Variants in RFT1 observed in about 807,000 individuals in gnomAD.
The protein encoded by RFT1 is RFT1 glycolipid translocator homolog.
A neutral mutation model predicts 62.2 loss-of-function variants in RFT1; 43 were observed. That is an observed-to-expected ratio of 0.69 (90% CI 0.54 to 0.89). RFT1 has a LOEUF of 0.89. RFT1 is among the 40% of genes least tolerant of loss of function. RFT1 has a pLI of 0.00. For missense variants in RFT1, 605 were observed against 649.9 expected, an observed-to-expected ratio of 0.93 and a Z score of 0.75; for synonymous variants, 262 against 264.6, an observed-to-expected ratio of 0.99 and a Z score of 0.10.
the RFT1 span, among the ~76,000 whole-genome samples, chr3:53,074,777 C>G: frequency 6.6e-6 from 1 of 152,190 alleles, no homozygotes; most frequent in Non-Finnish European, 1.5e-5. Context: ...GGGTATGTGC[C>G]AGGCTGTGTC....
the RFT1 span, among the ~76,000 whole-genome samples, chr3:53,081,939 AT>A: frequency 3.3e-5 from 5 of 151,942 alleles, no homozygotes. Flanking sequence ...AACTTGCTGG[AT>A]TTTTAGTTTT....
chr3:53,079,648 C>A, the RFT1 span, among the ~76,000 whole-genome samples: 1 of 152,140 alleles, frequency 6.6e-6, no homozygotes, highest in African/African-American at 2.4e-5. Flanking sequence ...GCAGGAGAAT[C>A]GCAGAGGTTG....
At chr3:53,075,987 C>T in the RFT1 span, among the ~76,000 whole-genome samples, 4 of 152,138 alleles carry the variant, frequency 2.6e-5, no homozygotes, top group Non-Finnish European at 4.4e-5. Context: ...GCTCTTTCTC[C>T]GATCTGCCTG....
At chr3:53,076,187 T>C in the RFT1 span, among the ~76,000 whole-genome samples, 2 of 152,240 alleles carry the variant, frequency 1.3e-5, no homozygotes, top group African/African-American at 4.8e-5. Context: ...GGGCAGGCGG[T>C]TGGCCCTTGA....
At chr3:53,080,889 T>C in the RFT1 span, among the ~76,000 whole-genome samples, 1 of 152,134 alleles carries the variant, frequency 6.6e-6, no homozygotes, top group Non-Finnish European at 1.5e-5. Context: ...CTCAAAGCCC[T>C]CTCTGGACAC....
chr3:53,112,597 G>A (rs1407383452), intron 6 of RFT1, among the ~76,000 whole-genome samples: 3 of 152,110 alleles, frequency 2.0e-5, no homozygotes. Context: ...ACAAAAATTA[G>A]CTGGGCGTGG....
intron 4 of RFT1, 101 bp from the exon 5 acceptor site, chr3:53,121,901 G>A: frequency 1.1e-6 from 1 of 930,172 alleles, no homozygotes; most frequent in South Asian, 1.4e-5. Flanking sequence ...CACCCTGGCT[G>A]TGGGGGCAGG....
chr3:53,113,774 T>C (rs1472609078), intron 6 of RFT1, among the ~76,000 whole-genome samples: 4 of 152,230 alleles, frequency 2.6e-5, no homozygotes, highest in Non-Finnish European at 5.9e-5. Flanking sequence ...AGACTAGCCA[T>C]ATTCCAGAAT....
At chr3:53,076,582 T>C in the RFT1 span, among the ~76,000 whole-genome samples, 3 of 152,148 alleles carry the variant, frequency 2.0e-5, no homozygotes, top group Admixed American at 6.5e-5. Context: ...CGCCAAATCA[T>C]AGCATTTGAA....
intron 11 of RFT1, among the ~76,000 whole-genome samples, chr3:53,094,990 G>A (rs566425635): frequency 2.5e-4 from 38 of 151,996 alleles, no homozygotes; most frequent in Non-Finnish European, 4.9e-4. Context: ...TTTTTTGGCC[G>A]GGCACGGTGG....
At chr3:53,106,475 T>C (rs1020053486) in intron 8 of RFT1, among the ~76,000 whole-genome samples, 5 of 152,178 alleles carry the variant, frequency 3.3e-5, no homozygotes, top group Non-Finnish European at 5.9e-5. Context: ...CATTAAAAGA[T>C]AAAAATGAAA....
At chr3:53,117,852 A>G (rs1488735497) in intron 6 of RFT1, among the ~76,000 whole-genome samples, 1 of 152,216 alleles carries the variant, frequency 6.6e-6, no homozygotes, top group Non-Finnish European at 1.5e-5. Flanking sequence ...TGACAGATAA[A>G]GAAACTAAGC....
the RFT1 span, among the ~76,000 whole-genome samples, chr3:53,079,577 T>C: frequency 1.3e-5 from 2 of 151,814 alleles, no homozygotes; most frequent in Non-Finnish European, 2.9e-5. Context: ...CTAGTAAAAA[T>C]AGAAAAATTA....
At chr3:53,110,002 T>C (rs1197473835) in intron 7 of RFT1, among the ~76,000 whole-genome samples, 1 of 152,002 alleles carries the variant, frequency 6.6e-6, no homozygotes, top group Non-Finnish European at 1.5e-5. Context: ...GCTAGGGGGA[T>C]CCAACCATGG....
chr3:53,078,680 T>C, the RFT1 span, among the ~76,000 whole-genome samples: 3 of 152,204 alleles, frequency 2.0e-5, no homozygotes, highest in Non-Finnish European at 4.4e-5. Flanking sequence ...AGATTGAGGC[T>C]GCAGTAAGCT....
chr3:53,099,824 C>T (rs1701262771), intron 10 of RFT1, among the ~76,000 whole-genome samples: 2 of 152,114 alleles, frequency 1.3e-5, no homozygotes, highest in Admixed American at 1.3e-4. Flanking sequence ...CCCGTGTCTA[C>T]CAAAAATACA....
rs147213514 is a variant in RFT1, at chr3:53,117,489, A to G, written c.696+2395T>C. Reference sequence around the variant, plus strand: ...GTCTGTATCCCTGATGGCACCAAGCATGGCGCCATGTTCTTACTGTATGTC... The same window carrying G: ...GTCTGTATCCCTGATGGCACCAAGCGTGGCGCCATGTTCTTACTGTATGTC... On this transcript the variant is annotated intron_variant, in intron 6 of 12. Coordinates refer to ENST00000296292, the MANE Select transcript of RFT1 (RefSeq NM_052859.4). Among the ~76,000 whole-genome samples the G allele has an allele frequency of 1.4e-3, 211 of 152,278 alleles. 1 individual carries two copies. Among genetic ancestry groups the G allele is most frequent in the Non-Finnish European group, 2.6e-3 (176 of 68,008 alleles).
At position 53,089,911 on chromosome 3, in the gene RFT1, G is replaced by A. The variant is rs1700943811; in HGVS notation, c.*1992C>T. 1 of 152,720 alleles carries A rather than the reference G, an allele frequency of 6.5e-6. No homozygotes were observed. The highest frequency in any genetic ancestry group is 1.5e-5 in the Non-Finnish European group (1 of 68,120). 9.5% of individuals were successfully genotyped at this position (152,720 alleles called of 1,614,324 possible). The stretch of plus-strand genomic sequence containing the variant: ...GGGAGTCCTGCTCCCAGAGACCCCG[G>A]AGTCACAAGGCTGCTTGTAGAGCAG... On this transcript the variant is annotated 3_prime_UTR_variant, in exon 13 of 13. Transcript: ENST00000296292.
chr3:53,098,925 T>A (rs113722222), intron 11 of RFT1, among the ~76,000 whole-genome samples: 1 of 152,088 alleles, frequency 6.6e-6, no homozygotes, highest in African/African-American at 2.4e-5. Context: ...CACTTGGGCT[T>A]TTCTCAGGAG....
Sources: allele counts gnomAD v4.1 joint callset (sites outside exome capture counted in the v4.1 genomes callset), GRCh38; gene constraint gnomAD v4.1.1; transcripts MANE v1.5; gene names NCBI Gene and HGNC (gene_info 2026-07-23, HGNC 2026-07-21).